Variants in ZC3H12B observed in about 807,000 individuals in gnomAD.
ZC3H12B encodes the protein probable ribonuclease ZC3H12B.
A neutral mutation model predicts 43.9 loss-of-function variants in ZC3H12B; 7 were observed. The ratio of observed to expected loss-of-function variants is 0.16; its 90% confidence interval spans 0.09 to 0.30. ZC3H12B has a LOEUF of 0.30. Ranked by LOEUF, ZC3H12B falls within the 10% of genes least tolerant of loss-of-function variation. The pLI is 1.00. For missense variants in ZC3H12B, 475 were observed against 670.2 expected (o/e 0.71, Z 3.22); for synonymous variants, 222 against 241.7 (o/e 0.92, Z 0.76).
At chrX:65,160,113 C>A in the ZC3H12B span, among the ~76,000 whole-genome samples, 1 of 111,532 alleles carries the variant, frequency 9.0e-6, no homozygotes, top group Non-Finnish European at 1.9e-5. Context: ...GGGATGAAAC[C>A]CACTTGATCA....
At chrX:65,153,121 A>T in the ZC3H12B span, among the ~76,000 whole-genome samples, 1 of 112,374 alleles carries the variant, frequency 8.9e-6, no homozygotes, top group Non-Finnish European at 1.9e-5. Context: ...GCCTAAAACC[A>T]TAAAAACCCT....
chrX:65,054,699 T>C, the ZC3H12B span, among the ~76,000 whole-genome samples: 2 of 112,128 alleles, frequency 1.8e-5, no homozygotes, highest in African/African-American at 3.2e-5. Flanking sequence ...TTTTACGATA[T>C]TGATTCTTGC....
chrX:65,072,717 C>T, the ZC3H12B span, among the ~76,000 whole-genome samples: 1 of 112,089 alleles, frequency 8.9e-6, no homozygotes, highest in African/African-American at 3.2e-5. Flanking sequence ...GAGATCTGTT[C>T]TTGTTCACAT....
the ZC3H12B span, among the ~76,000 whole-genome samples, chrX:65,100,847 A>T: frequency 9.0e-6 from 1 of 111,094 alleles, no homozygotes; most frequent in South Asian, 3.8e-4. Flanking sequence ...ACGAGACAAA[A>T]TTAACAAGGC....
the ZC3H12B span, among the ~76,000 whole-genome samples, chrX:65,196,955 T>A: frequency 2.6e-3 from 290 of 111,502 alleles, 1 homozygote; most frequent in Admixed American, 3.7e-3. Flanking sequence ...GGCAAAGCGA[T>A]CAGGTACCTA....
At chrX:65,092,083 ACTTTCT>A in the ZC3H12B span, among the ~76,000 whole-genome samples, 1 of 110,883 alleles carries the variant, frequency 9.0e-6, no homozygotes, top group South Asian at 3.8e-4. Flanking sequence ...CTCCTTTCTC[ACTTTCT>A]CTTCATCCTG....
chrX:65,384,620 G>C (rs780802992), intron 2 of ZC3H12B, among the ~76,000 whole-genome samples: 1 of 111,116 alleles, frequency 9.0e-6, no homozygotes, highest in East Asian at 2.8e-4. Context: ...AATGGCAGGA[G>C]TAATTCTTTG....
intron 3 of ZC3H12B, among the ~76,000 whole-genome samples, chrX:65,443,248 A>C (rs1038714226): frequency 9.0e-6 from 1 of 111,100 alleles, no homozygotes; most frequent in African/African-American, 3.3e-5. Flanking sequence ...TTACTTTAAG[A>C]GTACTCAGGT....
the ZC3H12B span, among the ~76,000 whole-genome samples, chrX:65,211,811 T>A: frequency 2.4e-5 from 2 of 82,118 alleles, no homozygotes; most frequent in African/African-American, 4.8e-5. Flanking sequence ...CTATATAATA[T>A]ATAATATATA....
the ZC3H12B span, among the ~76,000 whole-genome samples, chrX:65,127,524 C>A: frequency 9.0e-6 from 1 of 110,782 alleles, no homozygotes. Context: ...TGCAAACTTG[C>A]CCTAGGGACA....
chrX:65,350,301 A>C, the ZC3H12B span, among the ~76,000 whole-genome samples: 1 of 111,779 alleles, frequency 8.9e-6, no homozygotes, highest in East Asian at 2.8e-4. Context: ...CCCCATGGTA[A>C]AAACTCTCAA....
the ZC3H12B span, among the ~76,000 whole-genome samples, chrX:65,092,084 C>T: frequency 9.0e-6 from 1 of 111,652 alleles, no homozygotes; most frequent in Non-Finnish European, 1.9e-5. Context: ...TCCTTTCTCA[C>T]TTTCTCTTCA....
the ZC3H12B span, among the ~76,000 whole-genome samples, chrX:65,348,941 G>A: frequency 1.8e-5 from 2 of 111,251 alleles, no homozygotes; most frequent in East Asian, 5.6e-4. Context: ...ACACCCCACT[G>A]TCAATGTTAG....
intron 2 of ZC3H12B, among the ~76,000 whole-genome samples, chrX:65,372,891 G>T (rs192086247): frequency 2.7e-5 from 3 of 111,774 alleles, no homozygotes; most frequent in Admixed American, 9.5e-5. Context: ...GACTGAAAAA[G>T]AAAAAATAGC....
At chrX:65,341,039 C>T in the ZC3H12B span, among the ~76,000 whole-genome samples, 754 of 111,952 alleles carry the variant, frequency 6.7e-3, 9 homozygotes, top group African/African-American at 0.023. Context: ...TAAAAAAACA[C>T]ACTACAAGAA....
At chrX:65,178,304 AAT>A in the ZC3H12B span, among the ~76,000 whole-genome samples, 1 of 112,296 alleles carries the variant, frequency 8.9e-6, no homozygotes, top group Non-Finnish European at 1.9e-5. Flanking sequence ...TAAAACCATA[AAT>A]ACCCTAGGGG....
the ZC3H12B span, among the ~76,000 whole-genome samples, chrX:65,161,289 A>G: frequency 4.5e-5 from 5 of 111,540 alleles, no homozygotes; most frequent in South Asian, 1.9e-3. Context: ...CGCTTGGTGC[A>G]GAGCTGAATT....
At chrX:65,461,054 C>T (rs1344227169) in intron 3 of ZC3H12B, among the ~76,000 whole-genome samples, 3 of 110,587 alleles carry the variant, frequency 2.7e-5, no homozygotes, top group Non-Finnish European at 5.6e-5. Context: ...AGGATATGAA[C>T]AGACAATTTT....
the ZC3H12B span, among the ~76,000 whole-genome samples, chrX:65,336,135 T>A: frequency 8.9e-6 from 1 of 112,284 alleles, no homozygotes; most frequent in Non-Finnish European, 1.9e-5. Flanking sequence ...AGCTTAAGAC[T>A]AGCCTCTTGA....
Sources: allele counts gnomAD v4.1 joint callset (sites outside exome capture counted in the v4.1 genomes callset), GRCh38; gene constraint gnomAD v4.1.1; transcripts MANE v1.5; gene names NCBI Gene and HGNC (gene_info 2026-07-23, HGNC 2026-07-21).